The following PCSK2 variants were observed in gnomAD, a reference collection of about 807,000 sequenced individuals.
The protein encoded by PCSK2 is neuroendocrine convertase 2.
Under a neutral mutation model 69.7 loss-of-function variants are expected in PCSK2, and 14 were observed. That is an observed-to-expected ratio of 0.20 (90% CI 0.13 to 0.31). The LOEUF (loss-of-function observed/expected upper bound fraction) is 0.31. PCSK2 is among the 10% of genes least tolerant of loss of function. The pLI is 1.00. For synonymous variants in PCSK2, 307 were observed against 320.7 expected (o/e 0.96, Z 0.46); for missense variants, 544 against 842.5 (o/e 0.65, Z 4.39).
At chr20:17,257,916 C>A (rs1987237591) in intron 1 of PCSK2, among the ~76,000 whole-genome samples, 1 of 152,168 alleles carries the variant, frequency 6.6e-6, no homozygotes, top group South Asian at 2.1e-4. Flanking sequence ...TTTTGTCCAG[C>A]CTTTTATTTG....
intron 2 of PCSK2, among the ~76,000 whole-genome samples, chr20:17,316,840 G>C (rs1158952270): frequency 6.6e-6 from 1 of 152,126 alleles, no homozygotes; most frequent in African/African-American, 2.4e-5. Flanking sequence ...GGCATTATAA[G>C]AGTTGAATGC....
chr20:17,269,741 G>A (rs1600431198), intron 2 of PCSK2, among the ~76,000 whole-genome samples: 1 of 152,182 alleles, frequency 6.6e-6, no homozygotes, highest in East Asian at 1.9e-4. Flanking sequence ...CAAGCTGCCA[G>A]GTGAAGTTAC....
At chr20:17,259,593 C>T (rs1987302693) in intron 1 of PCSK2, among the ~76,000 whole-genome samples, 1 of 152,162 alleles carries the variant, frequency 6.6e-6, no homozygotes, top group Non-Finnish European at 1.5e-5. Flanking sequence ...CTCTTAGAGG[C>T]CCTGTGCCAA....
At chr20:17,461,741 G>T (rs1004889239) in intron 10 of PCSK2, among the ~76,000 whole-genome samples, 2 of 152,194 alleles carry the variant, frequency 1.3e-5, no homozygotes, top group Non-Finnish European at 2.9e-5. Context: ...ACTATGCTCT[G>T]AAAGAGAATG....
At chr20:17,282,537 A>G (rs1025429240) in intron 2 of PCSK2, among the ~76,000 whole-genome samples, 23 of 152,348 alleles carry the variant, frequency 1.5e-4, no homozygotes, top group Middle Eastern at 3.4e-3. Context: ...TTGTCACGTC[A>G]ATTATAGATA....
At chr20:17,320,661 G>A (rs1989836404) in intron 2 of PCSK2, among the ~76,000 whole-genome samples, 1 of 152,236 alleles carries the variant, frequency 6.6e-6, no homozygotes, top group African/African-American at 2.4e-5. Context: ...AAAGTTGGGT[G>A]TTTATCCACA....
rs541861950 is a variant in PCSK2 at position 17,289,103 on chromosome 20, C to G, written c.282+28759C>G. Reference sequence around the variant, plus strand: ...GACAGCAGCAAGGTCCCAGATGGTGCTGAATAAGCAAGTGATCAAATATCT... The same window carrying G: ...GACAGCAGCAAGGTCCCAGATGGTGGTGAATAAGCAAGTGATCAAATATCT... On this transcript the variant is annotated intron_variant, in intron 2 of 11. Coordinates refer to ENST00000262545, the MANE Select transcript of PCSK2 (RefSeq NM_002594.5). Among the ~76,000 whole-genome samples, 9 of 152,276 alleles carry G rather than the reference C, an allele frequency of 5.9e-5. No homozygotes were observed. In the South Asian group the frequency reaches 1.7e-3, roughly 28 times the overall value.
chr20:17,476,389 A>G (rs909323794), intron 11 of PCSK2, among the ~76,000 whole-genome samples: 1 of 152,224 alleles, frequency 6.6e-6, no homozygotes, highest in Non-Finnish European at 1.5e-5. Context: ...AATAAAATAA[A>G]TTGAACATTC....
intron 5 of PCSK2, among the ~76,000 whole-genome samples, chr20:17,381,950 C>CA (rs1406727697): frequency 2.0e-5 from 3 of 152,136 alleles, no homozygotes; most frequent in African/African-American, 4.8e-5. Context: ...ACTTTACCAA[C>CA]AAAAAATATA....
intron 9 of PCSK2, among the ~76,000 whole-genome samples, chr20:17,455,229 A>G (rs1287033286): frequency 6.6e-6 from 1 of 152,070 alleles, no homozygotes; most frequent in Non-Finnish European, 1.5e-5. Flanking sequence ...TGTGAGTACT[A>G]TAATTTTGCT....
chr20:17,385,583 G>C (rs1035160940), intron 5 of PCSK2, among the ~76,000 whole-genome samples: 1 of 152,352 alleles, frequency 6.6e-6, no homozygotes, highest in Middle Eastern at 3.4e-3. Flanking sequence ...GCATGATGCT[G>C]TATACACTAA....
rs36062712 is a variant in PCSK2 at position 17,398,523 on chromosome 20, C to CAAAAAAAA, written c.544-10724_544-10717dup. ...TGGGTTACAGAGTGAGATCCTGTCT[C>CAAAAAAAA]AAAAAAAAAAAAAAAAAAAAAAATG... On this transcript the variant is annotated intron_variant, in intron 5 of 11. Coordinates refer to ENST00000262545, the MANE Select transcript of PCSK2 (RefSeq NM_002594.5). Among the ~76,000 whole-genome samples the CAAAAAAAA allele has an allele frequency of 8.2e-3, 701 of 85,192 alleles. 13 individuals carry two copies. The highest frequency in any genetic ancestry group is 0.013 in the Non-Finnish European group (585 of 46,196). 55.9% of individuals were successfully genotyped at this position (85,192 alleles called of 152,430 possible).
At chr20:17,338,158 C>G (rs1363419187) in intron 2 of PCSK2, among the ~76,000 whole-genome samples, 1 of 111,168 alleles carries the variant, frequency 9.0e-6, no homozygotes, top group Admixed American at 9.9e-5. Context: ...GAGAAGAAAC[C>G]TTACATTTTT....
intron 5 of PCSK2, among the ~76,000 whole-genome samples, chr20:17,384,573 G>T (rs1055126529): frequency 3.9e-5 from 6 of 152,076 alleles, no homozygotes; most frequent in African/African-American, 7.2e-5. Flanking sequence ...TTGCACTCCA[G>T]CCTCCCCAAC....
At chr20:17,326,972 T>G (rs1053710136) in intron 2 of PCSK2, among the ~76,000 whole-genome samples, 13 of 152,202 alleles carry the variant, frequency 8.5e-5, no homozygotes, top group African/African-American at 3.1e-4. Context: ...TCCACTGTGA[T>G]CTTACTCTTC....
chr20:17,239,104 G>C (rs542544559), intron 1 of PCSK2, among the ~76,000 whole-genome samples: 2 of 152,156 alleles, frequency 1.3e-5, no homozygotes, highest in African/African-American at 4.8e-5. Context: ...GCCCTTAATA[G>C]CCTAAAATTT....
At chr20:17,337,761 A>T (rs887439552) in intron 2 of PCSK2, among the ~76,000 whole-genome samples, 15 of 136,120 alleles carry the variant, frequency 1.1e-4, no homozygotes, top group African/African-American at 2.0e-4. Flanking sequence ...CTGACTCTTT[A>T]AAAAAAATGT....
chr20:17,248,421 T>C (rs1012184934), intron 1 of PCSK2, among the ~76,000 whole-genome samples: 1 of 152,176 alleles, frequency 6.6e-6, no homozygotes, highest in Non-Finnish European at 1.5e-5. Flanking sequence ...AAGTACCTTA[T>C]ACTACTGTAA....
chr20:17,260,625 G>A (rs751028722), intron 2 of PCSK2, among the ~76,000 whole-genome samples: 5 of 152,072 alleles, frequency 3.3e-5, no homozygotes, highest in Admixed American at 2.0e-4. Context: ...TGAGGACTTC[G>A]GGTTGCCTGG....
Sources: allele counts gnomAD v4.1 joint callset (sites outside exome capture counted in the v4.1 genomes callset), GRCh38; gene constraint gnomAD v4.1.1; transcripts MANE v1.5; gene names NCBI Gene and HGNC (gene_info 2026-07-23, HGNC 2026-07-21).